Variants in KAT8 observed in about 807,000 individuals in gnomAD.
The protein encoded by KAT8 is lysine acetyltransferase 8, also known as histone acetyltransferase KAT8.
In KAT8, 40 loss-of-function variants were observed where a neutral mutation model predicts 62.9. That is an observed-to-expected ratio of 0.64 (90% CI 0.49 to 0.83). The LOEUF is 0.83. KAT8 is among the 40% of genes least tolerant of loss of function. The pLI, the probability that KAT8 is intolerant of heterozygous loss-of-function variation, is 0.00. For missense variants in KAT8, 387 were observed against 614.8 expected, an observed-to-expected ratio of 0.63 and a Z score of 3.92; for synonymous variants, 278 against 254.5, an observed-to-expected ratio of 1.09 and a Z score of -0.88.
At chr16:31,122,768 C>T (rs951767721) in intron 3 of KAT8, among the ~76,000 whole-genome samples, 1 of 151,728 alleles carries the variant, frequency 6.6e-6, no homozygotes, top group African/African-American at 2.4e-5. Context: ...GTAGTCCCAG[C>T]TACTCGGGAG....
chr16:31,130,442 T>G lies in KAT8; in HGVS notation c.1007-14T>G. The G allele has an allele frequency of 6.2e-7, 1 of 1,614,100 alleles. No individual in the cohort carries two copies. The highest frequency in any genetic ancestry group is 8.5e-7 in the Non-Finnish European group (1 of 1,179,962). On this transcript the variant is annotated splice_polypyrimidine_tract_variant and intron_variant, in intron 8 of 10. Transcript: ENST00000219797. Reference sequence around the variant, plus strand: ...GCAGGCTGGATCCTAAGTTCCTCTTTCTACTGCTGCCAGGTTATGAGCTCT... The same window carrying G: ...GCAGGCTGGATCCTAAGTTCCTCTTGCTACTGCTGCCAGGTTATGAGCTCT...
chr16:31,121,441 A>G (rs2057492731), intron 3 of KAT8, among the ~76,000 whole-genome samples: 1 of 152,132 alleles, frequency 6.6e-6, no homozygotes, highest in African/African-American at 2.4e-5. Flanking sequence ...GTTTTAATAC[A>G]TGACCTCACT....
At chr16:31,121,816 A>G (rs911850941) in intron 3 of KAT8, among the ~76,000 whole-genome samples, 2 of 152,124 alleles carry the variant, frequency 1.3e-5, no homozygotes, top group African/African-American at 4.8e-5. Context: ...CAGTGGCACA[A>G]TCATGGCTCA....
At chr16:31,124,731 C>CA (rs551229166) in intron 3 of KAT8, among the ~76,000 whole-genome samples, 25,345 of 60,642 alleles carry the variant, frequency 0.42, 3,549 homozygotes, top group South Asian at 0.7. Flanking sequence ...GGCTCCATTT[C>CA]AAAAAAAAAA....
intron 6 of KAT8, 99 bp from the exon 7 acceptor site, chr16:31,129,917 CG>C: frequency 7.5e-7 from 1 of 1,334,216 alleles, no homozygotes. Flanking sequence ...TCTGGCCTGG[CG>C]AGGCGCCCAC....
Position 31,127,326 on chromosome 16 carries a change from A to T in KAT8, c.654A>T (p.Lys218Asn), listed in dbSNP as rs777668695. The change falls in exon 5 of 11, where the codon AAA becomes AAT. Residue 218 changes from lysine (K) to asparagine (N), a missense_variant. This residue lies in a region of KAT8 where 141 missense variants were observed against 222.5 expected (regional missense o/e 0.63). Transcript: ENST00000219797. ...GCGAGTACTGCCTCAAGTACATGAA[A>T]TATGAGAAGAGCTACCGCTTCCACT... ...WLCEYCLKYM[K>N]YEKSYRFHLG... 2.5e-6 allele frequency: 4 copies of T among 1,614,240 alleles called. No homozygotes were observed. The highest frequency in any genetic ancestry group is 3.4e-6 in the Non-Finnish European group (4 of 1,180,034).
intron 5 of KAT8, among the ~76,000 whole-genome samples, chr16:31,127,792 C>T (rs1029055204): frequency 7.2e-5 from 11 of 152,154 alleles, no homozygotes; most frequent in Admixed American, 2.6e-4. Context: ...TTGTCATGGA[C>T]GGGTCCCTCC....
chr16:31,127,950 C>T (rs1411963418), intron 5 of KAT8, 100 bp from the exon 6 acceptor site: 4 of 814,986 alleles, frequency 4.9e-6, no homozygotes, highest in Non-Finnish European at 8.5e-6. Context: ...AGGGGGGAAA[C>T]AGAGAGGCAG....
At position 31,117,807 on chromosome 16, in the gene KAT8, T is replaced by C; in HGVS notation, c.126T>C (p.Ser42=). The C allele has an allele frequency of 7.0e-7, 1 of 1,425,368 alleles. No homozygotes were observed. Among genetic ancestry groups the C allele is most frequent in the Non-Finnish European group, 9.3e-7 (1 of 1,079,100 alleles). 88.3% of individuals were successfully genotyped at this position (1,425,368 alleles called of 1,614,324 possible). The change falls in exon 1 of 11, where the codon TCT becomes TCC. Residue 42 remains serine, a synonymous_variant. Transcript: ENST00000219797. ...CCGCCCCATCCCCGGGCCGCGTCTC[T>C]CCGCCGACCCCGGCGCGCGGCGAGC... ...EGTAPSPGRV[S]PPTPARGEPE...
At chr16:31,118,005 G>A in intron 1 of KAT8, 113 bp downstream of exon 1, 1 of 821,188 alleles carries the variant, frequency 1.2e-6, no homozygotes, top group Non-Finnish European at 1.7e-6. Flanking sequence ...GGAGTGGAGA[G>A]GAGGAGGGGC....
chr16:31,130,627 C>A (rs372133100), intron 9 of KAT8, 21 bp downstream of exon 9: 5 of 1,613,304 alleles, frequency 3.1e-6, no homozygotes, highest in Non-Finnish European at 3.4e-6. Flanking sequence ...CTCCCGGGCC[C>A]TGGGGGCAGG....
intron 3 of KAT8, among the ~76,000 whole-genome samples, chr16:31,124,632 C>T (rs1332263268): frequency 6.7e-6 from 1 of 149,620 alleles, no homozygotes; most frequent in East Asian, 2.0e-4. Flanking sequence ...ACTTGGGAGG[C>T]TGGGGCAGGA....
chr16:31,120,088 A>C, intron 1 of KAT8, 98 bp from the exon 2 acceptor site: 1 of 931,146 alleles, frequency 1.1e-6, no homozygotes, highest in Non-Finnish European at 1.8e-6. Flanking sequence ...AGGTTAGCTG[A>C]TGTGTGGCCC....
In KAT8 at chr16:31,127,380, T is replaced by A. The variant is rs373491099; in HGVS notation, c.681+27T>A. The A allele has an allele frequency of 3.3e-5, 54 of 1,611,974 alleles. No homozygotes were observed. The African/African-American group carries it at 6.9e-4, about 21-fold the overall frequency. On this transcript the variant is annotated intron_variant, in intron 5 of 10. Coordinates refer to ENST00000219797, the MANE Select transcript of KAT8 (RefSeq NM_032188.3). ...TGAGGCTGGGCCGGCCGGGCCGAGCTGGGCAGGGGCCCGGTGAGAGGCAGA... is the reference window on the plus strand; with the variant it reads ...TGAGGCTGGGCCGGCCGGGCCGAGCAGGGCAGGGGCCCGGTGAGAGGCAGA...
rs774711382 is a variant in KAT8, at chr16:31,131,226, C to G, written c.1344C>G (p.Pro448=). The change falls in exon 11 of 11, where the codon CCC becomes CCG. Residue 448 remains proline (P), a synonymous_variant. Coordinates refer to ENST00000219797, the MANE Select transcript of KAT8 (RefSeq NM_032188.3). ...VDSVCLKWAP[P]KHKQVKLSKK is the part of the protein sequence containing the mutation. ...CCGTCTGCCTCAAGTGGGCACCCCC[C>G]AAGCACAAGCAAGTCAAGCTCTCCA... is the stretch of plus-strand genomic sequence containing the variant. The G allele has an allele frequency of 1.9e-6, 3 of 1,614,166 alleles. No individual in the cohort carries two copies. The highest frequency in any genetic ancestry group is 2.5e-6 in the Non-Finnish European group (3 of 1,179,998).
chr16:31,120,364 A>G lies in KAT8; in HGVS notation c.312A>G (p.Val104=). 6.2e-7 allele frequency: 1 copy of G among 1,613,984 alleles called. No individual in the cohort carries two copies. The highest frequency in any genetic ancestry group is 1.1e-5 in the South Asian group (1 of 91,088). The change falls in exon 3 of 11, where the codon GTA becomes GTG. Residue 104 remains valine, a synonymous_variant. Transcript: ENST00000219797. ...TTAACCGGCGGCTGGACGAGTGGGT[A>G]GACAAGAACCGGCTGGCGCTGACCA... ...VGFNRRLDEW[V]DKNRLALTKT... is the part of the protein sequence containing the mutation.
At chr16:31,126,668 T>A in intron 3 of KAT8, 1 of 266,602 alleles carries the variant, frequency 3.8e-6, no homozygotes, top group Non-Finnish European at 7.4e-6. Flanking sequence ...GTAGTAACAG[T>A]TCTTACGCTG....
intron 1 of KAT8, 180 bp downstream of exon 1, chr16:31,118,072 G>A: frequency 2.2e-6 from 1 of 456,880 alleles, no homozygotes; most frequent in Non-Finnish European, 3.7e-6. Flanking sequence ...CGGGTTGTGG[G>A]AGGCTGTTGA....
chr16:31,120,577 C>A lies in KAT8; in HGVS notation c.462+63C>A. 4 of 1,504,920 alleles carry A rather than the reference C, an allele frequency of 2.7e-6. No homozygotes were observed. The South Asian group carries it at 3.6e-5, about 13-fold the overall frequency. 93.2% of individuals were successfully genotyped at this position (1,504,920 alleles called of 1,614,324 possible). A position where few individuals can be genotyped will look rare whatever the true frequency, so the allele number is the denominator to read the frequency against. On this transcript the variant is annotated intron_variant, in intron 3 of 10. Coordinates refer to ENST00000219797, the MANE Select transcript of KAT8 (RefSeq NM_032188.3). ...AGCTTCTCTGCCAGTTCCCTTGGGT[C>A]TCTCGGGCCCCAGTGCCAAAACCAT...
Sources: allele counts gnomAD v4.1 joint callset (sites outside exome capture counted in the v4.1 genomes callset), GRCh38; gene constraint gnomAD v4.1.1; regional missense constraint gnomAD v4.1.1; transcripts MANE v1.5; gene names NCBI Gene and HGNC (gene_info 2026-07-23, HGNC 2026-07-21).